The following UXS1 variants were observed in gnomAD, a reference collection of about 807,000 sequenced individuals.
UXS1 encodes UDP-glucuronate decarboxylase 1, also known as UDP-glucuronic acid decarboxylase 1.
In UXS1, 33 loss-of-function variants were observed where a neutral mutation model predicts 62.6. The observed-to-expected ratio is 0.53, with a 90% CI of 0.40 to 0.70. The LOEUF is 0.70. UXS1 is among the 30% of genes least tolerant of loss of function. UXS1 has a pLI of 0.00. For missense variants in UXS1, 434 were observed against 556.3 expected (o/e 0.78, Z 2.21); for synonymous variants, 213 against 206.8 (o/e 1.03, Z -0.26).
At chr2:106,117,262 A>G (rs559675593) in intron 9 of UXS1, among the ~76,000 whole-genome samples, 3 of 152,370 alleles carry the variant, frequency 2.0e-5, no homozygotes, top group South Asian at 4.1e-4. Context: ...GAGCCTGTCA[A>G]TAATTATCTT....
chr2:106,188,378 G>GCAGT (rs1295316608), intron 1 of UXS1, among the ~76,000 whole-genome samples: 1 of 152,184 alleles, frequency 6.6e-6, no homozygotes, highest in East Asian at 1.9e-4. Flanking sequence ...GTCAAGAACT[G>GCAGT]GGCCAGGCCT....
chr2:106,177,922 G>T (rs1450405263), intron 1 of UXS1, among the ~76,000 whole-genome samples: 1 of 152,198 alleles, frequency 6.6e-6, no homozygotes, highest in Non-Finnish European at 1.5e-5. Context: ...CCAAATCTGA[G>T]ACCCTCTGCT....
intron 8 of UXS1, among the ~76,000 whole-genome samples, chr2:106,124,073 G>A (rs911918506): frequency 6.6e-6 from 1 of 152,228 alleles, no homozygotes; most frequent in African/African-American, 2.4e-5. Context: ...ATCTGCTGCT[G>A]TGGTTTAAAA....
intron 4 of UXS1, among the ~76,000 whole-genome samples, chr2:106,162,739 G>C (rs1233947925): frequency 2.0e-5 from 3 of 152,204 alleles, no homozygotes; most frequent in African/African-American, 7.2e-5. Flanking sequence ...GTTCTGATAA[G>C]TGCTGAAATT....
chr2:106,126,432 G>A lies in UXS1; in HGVS notation c.578-753C>T, dbSNP rs539923923. 3.7e-4 allele frequency among the ~76,000 whole-genome samples: 56 copies of A among 152,220 alleles called. No homozygotes were observed. In the South Asian group the frequency reaches 4.4e-3, roughly 12 times the overall value. ...ATCGCCACTACACTAGAGGGGGGCT[G>A]TGCTGGACACCCCTCAGCTCTGCCC... On this transcript the variant is annotated intron_variant, in intron 7 of 14. Transcript: ENST00000283148.
Position 106,136,399 on chromosome 2 carries a change from A to G in UXS1, c.473-6621T>C, listed in dbSNP as rs1309156905. 4.1e-5 allele frequency among the ~76,000 whole-genome samples: 6 copies of G among 148,042 alleles called. No individual in the cohort carries two copies. The East Asian group carries it at 1.2e-3, about 30-fold the overall frequency. ...ACTAGAAACACCATTTGACCCAGCCATCCCATTACTGGGTATATACCCAAA... is the reference window on the plus strand; with the variant it reads ...ACTAGAAACACCATTTGACCCAGCCGTCCCATTACTGGGTATATACCCAAA... On this transcript the variant is annotated intron_variant, in intron 6 of 14. Transcript: ENST00000283148.
chr2:106,130,724 A>G (rs1680376562), intron 6 of UXS1, among the ~76,000 whole-genome samples: 1 of 152,204 alleles, frequency 6.6e-6, no homozygotes, highest in South Asian at 2.1e-4. Flanking sequence ...CTGAAGATCA[A>G]GCCTTGAGCC....
chr2:106,194,235 T>A lies in UXS1; in HGVS notation c.7A>T (p.Ser3Cys). MV[S>C]KALLRLVSAV... The stretch of plus-strand genomic sequence containing the variant: ...GACACGAGGCGCAGCAGCGCCTTGC[T>A]CACCATCCCCGGGAGCCGCGCGGGT... Residue 3 changes from serine to cysteine, a missense_variant, in exon 1 of 15, where the codon AGC becomes TGC. By Grantham distance (112) the Ser-to-Cys change is moderately radical. This residue lies in a region of UXS1 where 91 missense variants were observed against 71.1 expected (regional missense o/e 1.28). Transcript: ENST00000283148. 8 of 1,402,800 alleles carry A rather than the reference T, an allele frequency of 5.7e-6. No individual in the cohort carries two copies. Among genetic ancestry groups the A allele is most frequent in the Non-Finnish European group, 5.6e-6 (6 of 1,069,278 alleles). 86.9% of individuals were successfully genotyped at this position (1,402,800 alleles called of 1,614,324 possible). A position where few individuals can be genotyped will look rare whatever the true frequency, so the allele number is the denominator to read the frequency against.
chr2:106,194,301 C>CG (rs1685139323), upstream of UXS1: 1 of 981,324 alleles, frequency 1.0e-6, no homozygotes. Flanking sequence ...CTGCACAATG[C>CG]GCGGCGGCGG....
At chr2:106,152,942 C>A (rs1285070227) in intron 5 of UXS1, among the ~76,000 whole-genome samples, 3 of 152,124 alleles carry the variant, frequency 2.0e-5, no homozygotes, top group African/African-American at 7.2e-5. Flanking sequence ...AGCACCAGGG[C>A]AGTGGTTCAG....
At chr2:106,111,217 A>G (rs997711969) in intron 10 of UXS1, among the ~76,000 whole-genome samples, 3 of 152,122 alleles carry the variant, frequency 2.0e-5, no homozygotes, top group Non-Finnish European at 2.9e-5. Context: ...GGATCTACCT[A>G]GGGAGGGCAC....
intron 4 of UXS1, among the ~76,000 whole-genome samples, chr2:106,161,278 G>A (rs1393249022): frequency 1.3e-5 from 2 of 151,926 alleles, no homozygotes; most frequent in South Asian, 2.1e-4. Context: ...CTGCAGCCTT[G>A]TATTTCTTGT....
chr2:106,183,869 G>GT, intron 1 of UXS1: 1 of 152,290 alleles, frequency 6.6e-6, no homozygotes, highest in East Asian at 1.9e-4. Flanking sequence ...CTTGCACCAC[G>GT]TGATAGGGTG....
chr2:106,112,813 A>G, intron 9 of UXS1, 48 bp from the exon 10 acceptor site: 2 of 1,584,140 alleles, frequency 1.3e-6, no homozygotes, highest in Non-Finnish European at 1.7e-6. Context: ...TGTGTGGTCC[A>G]CGCATCCACT....
In UXS1 at chr2:106,103,127, G is replaced by A. The variant is rs116756799; in HGVS notation, c.923+1667C>T. On this transcript the variant is annotated intron_variant, in intron 11 of 14. Transcript: ENST00000283148. ...AGGACAGTGACCAGGCCATCAGAGC[G>A]GGCCAGGGTGCATTTTGTCCTGAGC... 8.0e-3 allele frequency among the ~76,000 whole-genome samples: 1,217 copies of A among 152,336 alleles called. 10 individuals carry two copies. The highest frequency in any genetic ancestry group is 0.012 in the Admixed American group (181 of 15,308).
chr2:106,111,127 A>G (rs958031026), intron 10 of UXS1, among the ~76,000 whole-genome samples: 6 of 152,322 alleles, frequency 3.9e-5, no homozygotes, highest in Non-Finnish European at 7.3e-5. Flanking sequence ...TACACAGGAC[A>G]GGGAGAATGA....
At chr2:106,150,858 G>C (rs898636528) in intron 5 of UXS1, among the ~76,000 whole-genome samples, 1 of 152,208 alleles carries the variant, frequency 6.6e-6, no homozygotes, top group African/African-American at 2.4e-5. Flanking sequence ...GACCAACAAA[G>C]CCACAAGGCT....
At chr2:106,109,815 G>GT (rs1678432174) in intron 10 of UXS1, among the ~76,000 whole-genome samples, 2 of 152,196 alleles carry the variant, frequency 1.3e-5, no homozygotes, top group Non-Finnish European at 2.9e-5. Flanking sequence ...CGGCTGCAAG[G>GT]TAAGCAATCA....
chr2:106,142,941 G>A (rs970723727), intron 6 of UXS1, among the ~76,000 whole-genome samples: 1 of 151,844 alleles, frequency 6.6e-6, no homozygotes, highest in African/African-American at 2.4e-5. Flanking sequence ...GTGTGTGTGT[G>A]TGTGTCCTAC....
Sources: allele counts gnomAD v4.1 joint callset (sites outside exome capture counted in the v4.1 genomes callset), GRCh38; gene constraint gnomAD v4.1.1; regional missense constraint gnomAD v4.1.1; transcripts MANE v1.5; gene names NCBI Gene and HGNC (gene_info 2026-07-23, HGNC 2026-07-21).